The following INPP4B variants were observed in gnomAD, a reference collection of about 807,000 sequenced individuals.
The protein encoded by INPP4B is inositol polyphosphate 4-phosphatase type II.
Under a neutral mutation model 122.5 loss-of-function variants are expected in INPP4B, and 55 were observed. The observed-to-expected ratio is 0.45, with a 90% CI of 0.36 to 0.56. The LOEUF (loss-of-function observed/expected upper bound fraction) is 0.56, where lower values mean the gene tolerates loss of function less well. Among genes scored for constraint, INPP4B ranks in the 20% least tolerant of loss-of-function variants. The pLI is 0.00. For synonymous variants in INPP4B, 403 were observed against 388.7 expected, an observed-to-expected ratio of 1.04 and a Z score of -0.43; for missense variants, 1,000 against 1,097.7, an observed-to-expected ratio of 0.91 and a Z score of 1.26.
chr4:142,103,997 G>C (rs1785780825), intron 23 of INPP4B, among the ~76,000 whole-genome samples: 1 of 151,912 alleles, frequency 6.6e-6, no homozygotes, highest in Admixed American at 6.6e-5. Context: ...AAAAAGCCCT[G>C]TTTTTCTTTC....
chr4:142,096,091 G>A (rs1781667539), intron 23 of INPP4B: 1 of 152,152 alleles, frequency 6.6e-6, no homozygotes, highest in Non-Finnish European at 1.5e-5. Context: ...TCACCTAAGT[G>A]AGCTTTCAAT....
chr4:142,727,046 C>T (rs2150864642), intron 1 of INPP4B, among the ~76,000 whole-genome samples: 1 of 152,198 alleles, frequency 6.6e-6, no homozygotes, highest in East Asian at 1.9e-4. Context: ...CCCTAGTGAG[C>T]CACACAATAA....
At chr4:142,097,350 G>A (rs336302) in intron 23 of INPP4B, among the ~76,000 whole-genome samples, 133,011 of 151,568 alleles carry the variant, frequency 0.88, 60,494 homozygotes, top group Non-Finnish European at 0.99. Flanking sequence ...CCACTTACTG[G>A]TTCAAGCAAT....
intron 7 of INPP4B, among the ~76,000 whole-genome samples, chr4:142,371,347 T>C (rs1378727029): frequency 6.6e-6 from 1 of 152,078 alleles, no homozygotes; most frequent in Non-Finnish European, 1.5e-5. Flanking sequence ...GGGAAACACT[T>C]CTGGACATTG....
intron 12 of INPP4B, among the ~76,000 whole-genome samples, chr4:142,214,648 G>A (rs938590096): frequency 6.6e-6 from 1 of 152,116 alleles, no homozygotes; most frequent in Admixed American, 6.5e-5. Flanking sequence ...CACCTCCCTG[G>A]TTCCAGTGAT....
chr4:142,345,028 T>C (rs2646086), intron 7 of INPP4B, among the ~76,000 whole-genome samples: 47,503 of 151,848 alleles, frequency 0.31, 8,614 homozygotes, highest in South Asian at 0.45. Flanking sequence ...TGGGTAGAAG[T>C]GCACCATAAG....
intron 2 of INPP4B, among the ~76,000 whole-genome samples, chr4:142,723,292 A>T (rs1485576049): frequency 2.0e-5 from 3 of 152,136 alleles, no homozygotes. Flanking sequence ...GCATAATAAA[A>T]ATATAATTAC....
At chr4:142,172,869 A>T (rs1048471537) in intron 16 of INPP4B, among the ~76,000 whole-genome samples, 17 of 151,938 alleles carry the variant, frequency 1.1e-4, no homozygotes, top group African/African-American at 3.6e-4. Context: ...AAATTACATG[A>T]TCTCCTTAAA....
At chr4:142,306,730 G>A (rs1367959208) in intron 8 of INPP4B, among the ~76,000 whole-genome samples, 1 of 152,126 alleles carries the variant, frequency 6.6e-6, no homozygotes, top group Admixed American at 6.5e-5. Context: ...GCTGGTCGTG[G>A]TGGCTCACGC....
intron 2 of INPP4B, among the ~76,000 whole-genome samples, chr4:142,516,126 A>C (rs1180478447): frequency 6.6e-6 from 1 of 152,174 alleles, no homozygotes; most frequent in African/African-American, 2.4e-5. Context: ...GTTGTCATGA[A>C]GATATTCAGG....
chr4:142,089,834 A>G (rs1220923089), intron 23 of INPP4B, among the ~76,000 whole-genome samples: 1 of 152,170 alleles, frequency 6.6e-6, no homozygotes, highest in East Asian at 1.9e-4. Flanking sequence ...AACATAAAAC[A>G]TTTGCAAAGC....
intron 2 of INPP4B, among the ~76,000 whole-genome samples, chr4:142,610,898 G>C (rs1304274208): frequency 3.3e-5 from 5 of 152,142 alleles, no homozygotes; most frequent in Non-Finnish European, 7.4e-5. Flanking sequence ...CTAGGATTTT[G>C]ATGCTGAAAC....
chr4:142,188,518 A>ACT (rs1363710453), intron 15 of INPP4B, among the ~76,000 whole-genome samples: 1 of 105,096 alleles, frequency 9.5e-6, no homozygotes, highest in Non-Finnish European at 1.9e-5. Context: ...AAAGAAAAAA[A>ACT]ATATATATAG....
At chr4:142,442,884 G>T (rs888052387) in intron 3 of INPP4B, among the ~76,000 whole-genome samples, 2 of 152,184 alleles carry the variant, frequency 1.3e-5, no homozygotes, top group Admixed American at 6.5e-5. Context: ...CACAATCATG[G>T]TGGAAGGCAA....
At chr4:142,245,588 A>G (rs1727597843) in intron 11 of INPP4B, among the ~76,000 whole-genome samples, 2 of 151,880 alleles carry the variant, frequency 1.3e-5, no homozygotes, top group South Asian at 4.2e-4. Flanking sequence ...TATCAGGATG[A>G]TGCTGGCCTC....
intron 11 of INPP4B, among the ~76,000 whole-genome samples, chr4:142,247,501 C>A (rs1729506753): frequency 6.6e-6 from 1 of 151,752 alleles, no homozygotes; most frequent in African/African-American, 2.4e-5. Flanking sequence ...GGGACTCAAT[C>A]CTTCTGGTTT....
intron 2 of INPP4B, among the ~76,000 whole-genome samples, chr4:142,678,949 A>G (rs1334055869): frequency 1.3e-5 from 2 of 151,910 alleles, no homozygotes; most frequent in African/African-American, 2.4e-5. Flanking sequence ...TCCTTTCAGT[A>G]ATAAGACTGG....
At chr4:142,220,239 A>C (rs1848828052) in intron 12 of INPP4B, among the ~76,000 whole-genome samples, 1 of 152,144 alleles carries the variant, frequency 6.6e-6, no homozygotes, top group Admixed American at 6.5e-5. Flanking sequence ...AGTGTCTCTG[A>C]ACAGAAGGAC....
At chr4:142,331,929 G>C (rs79124587) in intron 7 of INPP4B, among the ~76,000 whole-genome samples, 1 of 151,180 alleles carries the variant, frequency 6.6e-6, no homozygotes, top group Admixed American at 6.6e-5. Flanking sequence ...GGGTGGAGGG[G>C]GAAAACCTAA....
Sources: gnomAD v4.1 joint callset for allele counts (sites outside exome capture counted in the v4.1 genomes callset) on GRCh38, gnomAD v4.1.1 for gene constraint, MANE v1.5 for transcripts, NCBI Gene and HGNC (gene_info 2026-07-23, HGNC 2026-07-21) for gene names.